PLCZ1: variants seen among roughly 807,000 people sequenced by gnomAD.
PLCZ1 encodes phospholipase C zeta 1.
A neutral mutation model predicts 76.8 loss-of-function variants in PLCZ1; 64 were observed. That is an observed-to-expected ratio of 0.83 (90% CI 0.68 to 1.03). The LOEUF (loss-of-function observed/expected upper bound fraction) is 1.03. PLCZ1 is among the 50% of genes least tolerant of loss of function. The pLI is 0.00. For synonymous variants in PLCZ1, 248 were observed against 230.8 expected, an observed-to-expected ratio of 1.07 and a Z score of -0.68; for missense variants, 751 against 713.7, an observed-to-expected ratio of 1.05 and a Z score of -0.60.
chr12:18,695,025 A>C lies in PLCZ1; in HGVS notation c.1346T>G (p.Phe449Cys). The C allele has an allele frequency of 6.2e-7, 1 of 1,613,044 alleles. No homozygotes were observed. The highest frequency in any genetic ancestry group is 8.5e-7 in the Non-Finnish European group (1 of 1,179,256). The change falls in exon 12 of 15, where the codon TTT becomes TGT. Residue 449 changes from phenylalanine to cysteine, a missense_variant. By Grantham distance (205) the Phe-to-Cys change is radical. Transcript: ENST00000266505. ...GLPMDLQNGK[F>C]LDNGGSGYIL... ...ATATCCAGAACCACCATTATCCAAA[A>C]ATTTCCCATTTTGCAGATCCATGGG...
At chr12:18,682,363 T>G (rs1326929449), downstream of PLCZ1, among the ~76,000 whole-genome samples, 1 of 152,044 alleles carries the variant, frequency 6.6e-6, no homozygotes, top group African/African-American at 2.4e-5. Context: ...AAGTCCCTAT[T>G]AAAAGTCCCT....
the PLCZ1 span, among the ~76,000 whole-genome samples, chr12:18,646,011 C>T: frequency 6.6e-6 from 1 of 152,074 alleles, no homozygotes; most frequent in Non-Finnish European, 1.5e-5. Flanking sequence ...AAAATACCCA[C>T]TTAGAGAAAA....
downstream of PLCZ1, among the ~76,000 whole-genome samples, chr12:18,680,628 G>A (rs546416314): frequency 1.3e-5 from 2 of 152,124 alleles, no homozygotes; most frequent in African/African-American, 4.8e-5. Context: ...AAACTTTTCT[G>A]TAACACATGT....
chr12:18,694,970 A>T lies in PLCZ1; in HGVS notation c.1401T>A (p.Ser467Arg). 6.2e-7 allele frequency: 1 copy of T among 1,607,678 alleles called. No homozygotes were observed. The change falls in exon 12 of 15, where the codon AGT becomes AGA. Residue 467 changes from serine to arginine, a missense_variant. By Grantham distance (110) the Ser-to-Arg change is moderately radical. Coordinates refer to ENST00000266505, the MANE Select transcript of PLCZ1 (RefSeq NM_033123.4). ...TGTTACTTGGGTTAAAGTATGATTT[A>T]CTCTCTCTTAAGAAATGTGGTTTCA... is the stretch of plus-strand genomic sequence containing the variant. ...YILKPHFLRE[S>R]KSYFNPSNIK...
intron 5 of PLCZ1, chr12:18,714,618 T>C (rs1957732799): frequency 6.6e-6 from 1 of 152,142 alleles, no homozygotes; most frequent in South Asian, 2.1e-4. Context: ...TACATAGAGA[T>C]ATTTTTCCAT....
rs1388689275 is a variant in PLCZ1, at chr12:18,723,433, T to C, written c.245A>G (p.Glu82Gly). 6.2e-7 allele frequency: 1 copy of C among 1,613,108 alleles called. No individual in the cohort carries two copies. Among genetic ancestry groups the C allele is most frequent in the East Asian group, 2.2e-5 (1 of 44,778 alleles). Residue 82 changes from glutamate to glycine, a missense_variant, in exon 4 of 15, where the codon GAA becomes GGA. Glu to Gly is a moderately conservative substitution (Grantham distance 98). Coordinates refer to ENST00000266505, the MANE Select transcript of PLCZ1 (RefSeq NM_033123.4). The part of the protein sequence containing the change: ...EIIEIFNTYS[E>G]NRKILLASNL... ...ACTTGCTAAAAGAATTTTCCGGTTT[T>C]CAGAATATGTGTTGAAAATCTCAAT...
At chr12:18,656,113 C>T in the PLCZ1 span, among the ~76,000 whole-genome samples, 18 of 152,232 alleles carry the variant, frequency 1.2e-4, no homozygotes, top group Admixed American at 4.6e-4. Flanking sequence ...GTAGGGAAGT[C>T]TAAAGTTCCA....
intron 2 of PLCZ1, chr12:18,736,697 C>T (rs1478743093): frequency 2.3e-6 from 3 of 1,289,958 alleles, no homozygotes. Context: ...TCTCACCTGA[C>T]CTCTCTGTTT....
At chr12:18,702,509 G>T (rs1197481861) in intron 7 of PLCZ1, among the ~76,000 whole-genome samples, 1 of 152,038 alleles carries the variant, frequency 6.6e-6, no homozygotes, top group East Asian at 1.9e-4. Context: ...TTTTCTCCAG[G>T]GAGCTTTGAT....
At chr12:18,709,926 T>C (rs1040438031) in intron 6 of PLCZ1, among the ~76,000 whole-genome samples, 1 of 152,066 alleles carries the variant, frequency 6.6e-6, no homozygotes, top group Non-Finnish European at 1.5e-5. Context: ...CTATTGTAAA[T>C]GAGATTTTTT....
intron 13 of PLCZ1, among the ~76,000 whole-genome samples, chr12:18,687,002 T>C (rs1038457609): frequency 5.9e-5 from 9 of 152,020 alleles, no homozygotes; most frequent in African/African-American, 2.2e-4. Flanking sequence ...AAGTAGAGGA[T>C]GGAGGGAACA....
At position 18,712,990 on chromosome 12, in the gene PLCZ1, G is replaced by C; in HGVS notation, c.570-4C>G. ...ACGGCATCCTTTCACAAGGGCACTA[G>C]CAAAATTTCAGCAAAATAAAATGTT... On this transcript the variant is annotated splice_polypyrimidine_tract_variant and splice_region_variant and intron_variant, in intron 5 of 14. Coordinates refer to ENST00000266505, the MANE Select transcript of PLCZ1 (RefSeq NM_033123.4). 3 of 1,613,744 alleles carry C rather than the reference G, an allele frequency of 1.9e-6. No individual in the cohort carries two copies. Among genetic ancestry groups the C allele is most frequent in the Non-Finnish European group, 2.5e-6 (3 of 1,179,756 alleles).
At chr12:18,696,509 A>G (rs1212310373) in intron 10 of PLCZ1, among the ~76,000 whole-genome samples, 6 of 151,154 alleles carry the variant, frequency 4.0e-5, no homozygotes, top group Non-Finnish European at 8.9e-5. Flanking sequence ...ATGTATGTAC[A>G]CTGATCATTC....
chr12:18,699,311 C>G (rs1248406648), intron 10 of PLCZ1, among the ~76,000 whole-genome samples: 1 of 152,190 alleles, frequency 6.6e-6, no homozygotes, highest in Non-Finnish European at 1.5e-5. Flanking sequence ...CCTGTCTCCA[C>G]TCTCACTGCC....
At chr12:18,658,226 T>A in the PLCZ1 span, among the ~76,000 whole-genome samples, 1 of 152,124 alleles carries the variant, frequency 6.6e-6, no homozygotes, top group Non-Finnish European at 1.5e-5. Flanking sequence ...AACATTTGCA[T>A]ATTAGGCATC....
At chr12:18,647,621 T>C in the PLCZ1 span, among the ~76,000 whole-genome samples, 1 of 152,100 alleles carries the variant, frequency 6.6e-6, no homozygotes, top group African/African-American at 2.4e-5. Flanking sequence ...TTGCTAAATA[T>C]AGAGTGGGTA....
chr12:18,673,905 T>C, the PLCZ1 span, among the ~76,000 whole-genome samples: 1,817 of 152,270 alleles, frequency 0.012, 29 homozygotes, highest in African/African-American at 0.041. Context: ...TGCTTCATCA[T>C]AGTGTGCAAG....
chr12:18,671,333 G>T, the PLCZ1 span, among the ~76,000 whole-genome samples: 1 of 151,696 alleles, frequency 6.6e-6, no homozygotes, highest in Non-Finnish European at 1.5e-5. Flanking sequence ...TTTTTTATTG[G>T]ACTGAATCCA....
At chr12:18,711,130 A>C (rs1281534939) in intron 6 of PLCZ1, among the ~76,000 whole-genome samples, 1 of 152,006 alleles carries the variant, frequency 6.6e-6, no homozygotes. Context: ...AATTGGAACC[A>C]ACCTAAATAT....
Sources: gnomAD v4.1 joint callset for allele counts (sites outside exome capture counted in the v4.1 genomes callset) on GRCh38, gnomAD v4.1.1 for gene constraint, MANE v1.5 for transcripts, NCBI Gene and HGNC (gene_info 2026-07-23, HGNC 2026-07-21) for gene names.